The following HAS3 variants were observed in gnomAD, a reference collection of about 807,000 sequenced individuals.
HAS3 encodes hyaluronan synthase 3, also known as HA synthase 3.
A neutral mutation model predicts 50.3 loss-of-function variants in HAS3; 27 were observed. The ratio of observed to expected loss-of-function variants is 0.54; its 90% CI spans 0.40 to 0.74. The LOEUF (loss-of-function observed/expected upper bound fraction) is 0.74. Among genes scored for constraint, HAS3 ranks in the 30% least tolerant of loss-of-function variants. The pLI is 0.00. For missense variants in HAS3, 517 were observed against 742.8 expected, an observed-to-expected ratio of 0.70 and a Z score of 3.53; for synonymous variants, 339 against 310.9, an observed-to-expected ratio of 1.09 and a Z score of -0.95.
upstream of HAS3, among the ~76,000 whole-genome samples, chr16:69,100,895 G>GATT (rs1269542853): frequency 6.6e-6 from 1 of 152,120 alleles, no homozygotes; most frequent in Admixed American, 6.6e-5. Context: ...AGTGTTGGAG[G>GATT]ATTATTCCTG....
chr16:69,103,639 C>T (rs1354616874), upstream of HAS3, among the ~76,000 whole-genome samples: 1 of 152,112 alleles, frequency 6.6e-6, no homozygotes, highest in African/African-American at 2.4e-5. Context: ...TCAGGTGATC[C>T]ACCCGCCTCA....
upstream of HAS3, among the ~76,000 whole-genome samples, chr16:69,102,334 G>A (rs775434294): frequency 6.6e-6 from 1 of 152,172 alleles, no homozygotes; most frequent in South Asian, 2.1e-4. Context: ...TAAGTGATTG[G>A]GTGTGGAATT....
rs138873574 is a variant in HAS3, at chr16:69,114,864, C to T, written c.1260C>T (p.Gly420=). ...LLFLLTVQLV[G]IIKATYACFL... ...TCCTGCTGACGGTGCAGCTGGTGGG[C>T]ATTATCAAGGCCACCTACGCCTGCT... The change falls in exon 4 of 4, where the codon GGC becomes GGT. Residue 420 remains glycine (G), a synonymous_variant. Transcript: ENST00000569188. The surrounding 1 kb of genome is among the most constrained non-coding windows in gnomAD (Gnocchi z 6.4). The T allele has an allele frequency of 8.7e-6, 14 of 1,614,072 alleles. No homozygotes were observed. In the East Asian group the frequency reaches 2.2e-4, roughly 26 times the overall value.
chr16:69,103,003 A>ATGTGTGTGTGTGTGTG (rs35175934), upstream of HAS3, among the ~76,000 whole-genome samples: 40 of 138,784 alleles, frequency 2.9e-4, 1 homozygote, highest in South Asian at 3.2e-3. Flanking sequence ...TGGAGTGTGC[A>ATGTGTGTGTGTGTGTG]TGTGTGTGTG....
Position 69,109,892 on chromosome 16 carries a change from G to A in HAS3, c.497G>A (p.Ser166Asn). 3 of 1,613,940 alleles carry A rather than the reference G, an allele frequency of 1.9e-6. No homozygotes were observed. Among genetic ancestry groups the A allele is most frequent in the Non-Finnish European group, 2.5e-6 (3 of 1,180,044 alleles). ...GCAGGCGAGGGTGAGACGGAGGCCA[G>A]CCTGCAGGAGGGCATGGACCGTGTG... ...HEAGEGETEA[S>N]LQEGMDRVRD... Residue 166 changes from serine (S) to asparagine (N), a missense_variant, in exon 2 of 4, where the codon AGC becomes AAC. Transcript: ENST00000569188. This position sits in a 1 kb window ranked among gnomAD's most constrained non-coding sequence, Gnocchi z 5.3.
Position 69,116,920 on chromosome 16 carries a change from A to C in HAS3, c.*1654A>C. 1.0e-6 allele frequency: 1 copy of C among 985,452 alleles called. No homozygotes were observed. The highest frequency in any genetic ancestry group is 1.2e-6 in the Non-Finnish European group (1 of 829,924). The allele number at this position is 985,452 out of a possible 1,614,324, so 61.0% of individuals were successfully genotyped here. On this transcript the variant is annotated 3_prime_UTR_variant, in exon 4 of 4. Coordinates refer to ENST00000569188, the MANE Select transcript of HAS3 (RefSeq NM_001199280.2). The stretch of plus-strand genomic sequence containing the variant: ...AAGAGGGCAAGCCTCTAGTGTACCA[A>C]GTGCTTCCTACAAAGACGCAAGGTG...
chr16:69,083,776 C>T, the HAS3 span: 7 of 1,260,788 alleles, frequency 5.6e-6, no homozygotes, highest in Admixed American at 5.2e-5. Flanking sequence ...GGCTGACCCT[C>T]GGGGTGGTTT....
chr16:69,115,209 C>T lies in HAS3; in HGVS notation c.1605C>T (p.Ile535=), dbSNP rs759090231. 1.5e-5 allele frequency: 23 copies of T among 1,550,496 alleles called. No homozygotes were observed. Among genetic ancestry groups the T allele is most frequent in the Middle Eastern group, 3.5e-4 (2 of 5,760 alleles). Residue 535 remains isoleucine, a synonymous_variant, in exon 4 of 4, where the codon ATC becomes ATT. Coordinates refer to ENST00000569188, the MANE Select transcript of HAS3 (RefSeq NM_001199280.2). Reference sequence around the variant, plus strand: ...TCCTCATGCTATATCTGGCCATCATCGCCCGGCGATGTGGGAAGAAGCCGG... The same window carrying T: ...TCCTCATGCTATATCTGGCCATCATTGCCCGGCGATGTGGGAAGAAGCCGG... ...VALLMLYLAI[I]ARRCGKKPEQ...
chr16:69,101,204 C>T (rs185249635), upstream of HAS3, among the ~76,000 whole-genome samples: 5 of 152,368 alleles, frequency 3.3e-5, no homozygotes, highest in East Asian at 9.6e-4. Context: ...GTCCTCCACT[C>T]CGGTCCTAGC....
At position 69,115,045 on chromosome 16, in the gene HAS3, C is replaced by T. The variant is rs758901503; in HGVS notation, c.1441C>T (p.Leu481Phe). ...RKTIVVNFIGLIPVSIWVAVL... is the reference protein window; with the variant it reads ...RKTIVVNFIGFIPVSIWVAVL... ...AACCATTGTGGTGAACTTCATTGGC[C>T]TCATTCCTGTGTCCATCTGGGTGGC... The change falls in exon 4 of 4, where the codon CTC (leucine) becomes TTC (phenylalanine). Residue 481 changes from leucine to phenylalanine, a missense_variant. Transcript: ENST00000569188. 6.2e-7 allele frequency: 1 copy of T among 1,614,156 alleles called. No individual in the cohort carries two copies. The highest frequency in any genetic ancestry group is 1.1e-5 in the South Asian group (1 of 91,076).
the HAS3 span, among the ~76,000 whole-genome samples, chr16:69,095,666 A>G: frequency 1.3e-5 from 2 of 151,760 alleles, no homozygotes; most frequent in South Asian, 2.1e-4. Context: ...GAATCACTAC[A>G]TTGGCTTATC....
chr16:69,098,739 C>T, the HAS3 span, among the ~76,000 whole-genome samples: 1 of 145,092 alleles, frequency 6.9e-6, no homozygotes, highest in Non-Finnish European at 1.5e-5. Flanking sequence ...AATCTCGGCT[C>T]ACCACAACCT....
upstream of HAS3, among the ~76,000 whole-genome samples, chr16:69,102,933 C>T (rs1960711476): frequency 6.6e-6 from 1 of 151,972 alleles, no homozygotes; most frequent in Non-Finnish European, 1.5e-5. Flanking sequence ...GGCTTCTAAA[C>T]AGGTCACTTA....
the HAS3 span, among the ~76,000 whole-genome samples, chr16:69,086,773 G>A: frequency 0.019 from 2,865 of 152,118 alleles, 29 homozygotes; most frequent in Non-Finnish European, 0.024. Flanking sequence ...GTGTGGTGGC[G>A]CATGCCTGTA....
chr16:69,093,310 C>T, the HAS3 span, among the ~76,000 whole-genome samples: 2 of 152,212 alleles, frequency 1.3e-5, no homozygotes, highest in East Asian at 3.9e-4. Context: ...CTCCCGAGTT[C>T]AAGCGATTCT....
chr16:69,107,681 G>A lies in HAS3; in HGVS notation c.1-1715G>A. On this transcript the variant is annotated intron_variant, in intron 1 of 3. Coordinates refer to ENST00000569188, the MANE Select transcript of HAS3 (RefSeq NM_001199280.2). The surrounding 1 kb of genome is among the most constrained non-coding windows in gnomAD (Gnocchi z 5.5). The stretch of plus-strand genomic sequence containing the variant: ...CGCAGGCAGGCAGGGGGGTCCCGCC[G>A]CGCCCCTTCAGCATGTAAGCTCCGG... 1.0e-6 allele frequency: 1 copy of A among 985,560 alleles called. No individual in the cohort carries two copies. The highest frequency in any genetic ancestry group is 1.2e-6 in the Non-Finnish European group (1 of 830,022). 61.1% of individuals were successfully genotyped at this position (985,560 alleles called of 1,614,324 possible).
chr16:69,118,503 G>A (rs907808386), downstream of HAS3: 9 of 1,154,618 alleles, frequency 7.8e-6, no homozygotes, highest in Non-Finnish European at 1.2e-5. Context: ...CATGTGAACT[G>A]GGACCTGCAG....
At chr16:69,099,114 G>GCGCCCGCCA in the HAS3 span, among the ~76,000 whole-genome samples, 2 of 151,674 alleles carry the variant, frequency 1.3e-5, no homozygotes, top group African/African-American at 2.4e-5. Context: ...GGGAATACAG[G>GCGCCCGCCA]CTAATAAAAA....
Position 69,116,857 on chromosome 16 carries a change from T to C in HAS3, c.*1591T>C. On this transcript the variant is annotated 3_prime_UTR_variant, in exon 4 of 4. Transcript: ENST00000569188. ...AATGTCCTTTCTCAGAGGGGCCAGC[T>C]AACCCGTGCAGAACCAGCACTAAGG... The C allele has an allele frequency of 1.0e-6, 1 of 985,446 alleles. No homozygotes were observed. The highest frequency in any genetic ancestry group is 1.2e-6 in the Non-Finnish European group (1 of 829,942). The allele number at this position is 985,446 out of a possible 1,614,324, so 61.0% of individuals were successfully genotyped here.
Sources: gnomAD v4.1 joint callset for allele counts (sites outside exome capture counted in the v4.1 genomes callset) on GRCh38, gnomAD v4.1.1 for gene constraint, Gnocchi (gnomAD v3.1) non-coding constraint, MANE v1.5 for transcripts, NCBI Gene and HGNC (gene_info 2026-07-23, HGNC 2026-07-21) for gene names.